The following PGM5 variants were observed in gnomAD, a reference collection of about 807,000 sequenced individuals.
PGM5 encodes phosphoglucomutase 5.
In PGM5, 23 loss-of-function variants were observed where a neutral mutation model predicts 59.2. The observed-to-expected ratio is 0.39, with a 90% CI of 0.28 to 0.55. The LOEUF (loss-of-function observed/expected upper bound fraction) is 0.55. Among genes scored for constraint, PGM5 ranks in the 20% least tolerant of loss-of-function variants. The pLI is 0.66. For synonymous variants in PGM5, 214 were observed against 286.0 expected, an observed-to-expected ratio of 0.75 and a Z score of 2.54; for missense variants, 574 against 748.3, an observed-to-expected ratio of 0.77 and a Z score of 2.72.
chr9:68,474,323 A>C (rs1554686484), intron 7 of PGM5, among the ~76,000 whole-genome samples: 1 of 152,170 alleles, frequency 6.6e-6, no homozygotes, highest in African/African-American at 2.4e-5. Flanking sequence ...TCTGAGTTTC[A>C]GCTGTAATGG....
At chr9:68,512,994 A>G (rs1342476502) in intron 10 of PGM5, among the ~76,000 whole-genome samples, 2 of 152,238 alleles carry the variant, frequency 1.3e-5, no homozygotes, top group Non-Finnish European at 2.9e-5. Context: ...TGGCTGCACC[A>G]AAACCAGGTG....
chr9:68,486,713 A>C (rs181216276), intron 9 of PGM5, among the ~76,000 whole-genome samples: 84 of 152,272 alleles, frequency 5.5e-4, no homozygotes, highest in Middle Eastern at 3.4e-3. Context: ...CCACTTTTTG[A>C]CTATAATGCT....
At chr9:68,374,934 AG>A (rs1360192682) in intron 1 of PGM5, among the ~76,000 whole-genome samples, 1 of 152,200 alleles carries the variant, frequency 6.6e-6, no homozygotes, top group Non-Finnish European at 1.5e-5. Flanking sequence ...TCTATGAGAC[AG>A]GAGATGGGTA....
At chr9:68,491,822 C>T (rs77498941) in intron 9 of PGM5, among the ~76,000 whole-genome samples, 2,642 of 152,154 alleles carry the variant, frequency 0.017, 24 homozygotes, top group African/African-American at 0.035. Context: ...GGCAACACAG[C>T]GAGACCTCAT....
chr9:68,384,447 G>C lies in PGM5; in HGVS notation c.474G>C (p.Thr158=), dbSNP rs782716989. 2 of 1,605,470 alleles carry C rather than the reference G, an allele frequency of 1.2e-6. No homozygotes were observed. Among genetic ancestry groups the C allele is most frequent in the Non-Finnish European group, 1.7e-6 (2 of 1,172,748 alleles). ...ACAAAATCTACCAAATCAGCAAAAC[G>C]ATTGAGGAATATGCTATATGTCCTG... ...VSDKIYQISK[T]IEEYAICPDL... Residue 158 remains threonine, a synonymous_variant, in exon 3 of 11, where the codon ACG becomes ACC. Coordinates refer to ENST00000396396, the MANE Select transcript of PGM5 (RefSeq NM_021965.4).
At position 68,531,007 on chromosome 9, in the gene PGM5, A is replaced by C. The variant is rs1384691773; in HGVS notation, c.*1351A>C. On this transcript the variant is annotated 3_prime_UTR_variant, in exon 11 of 11. Transcript: ENST00000396396. The stretch of plus-strand genomic sequence containing the variant: ...ATTTTCTGTCTGTGCTTCTGTCAGA[A>C]ACTTGCTAGGACATTTAGTGGCCAA... 1 of 68,918 alleles carries C rather than the reference A, an allele frequency of 1.5e-5. No homozygotes were observed. The highest frequency in any genetic ancestry group is 5.0e-5 in the Non-Finnish European group (1 of 20,048). 4.3% of individuals were successfully genotyped at this position (68,918 alleles called of 1,614,324 possible).
rs531207491 is a variant in PGM5, at chr9:68,372,890, G to A, written c.262-5309G>A. Among the ~76,000 whole-genome samples the A allele has an allele frequency of 9.2e-5, 14 of 152,234 alleles. 1 individual carries two copies. Among genetic ancestry groups the A allele is most frequent in the Admixed American group, 9.2e-4 (14 of 15,296 alleles). On this transcript the variant is annotated intron_variant, in intron 1 of 10. Coordinates refer to ENST00000396396, the MANE Select transcript of PGM5 (RefSeq NM_021965.4). Reference sequence around the variant, plus strand: ...AGCAGATCTCATGTAAACTCAGAGCGAGAACACACTTATCGTCAAGGGCAT... The same window carrying A: ...AGCAGATCTCATGTAAACTCAGAGCAAGAACACACTTATCGTCAAGGGCAT...
intron 7 of PGM5, among the ~76,000 whole-genome samples, chr9:68,470,961 T>C (rs1410021332): frequency 6.6e-6 from 1 of 152,236 alleles, no homozygotes; most frequent in South Asian, 2.1e-4. Flanking sequence ...TTCTGGGTCC[T>C]CTGTGAATGA....
chr9:68,523,140 T>C (rs72716004), intron 10 of PGM5, among the ~76,000 whole-genome samples: 9,909 of 152,312 alleles, frequency 0.065, 420 homozygotes, highest in Middle Eastern at 0.11. Flanking sequence ...AGCCTCTCTA[T>C]TGGCTGCCTG....
At chr9:68,371,810 T>A (rs1453711493) in intron 1 of PGM5, 1 of 152,120 alleles carries the variant, frequency 6.6e-6, no homozygotes, top group East Asian at 1.9e-4. Flanking sequence ...CTGAGCTAAT[T>A]GGTAGAGAGA....
At chr9:68,432,196 T>C (rs1277139352) in intron 6 of PGM5, among the ~76,000 whole-genome samples, 3 of 151,864 alleles carry the variant, frequency 2.0e-5, no homozygotes, top group Admixed American at 1.3e-4. Flanking sequence ...TATTTGTTTT[T>C]ATTTTTTAAT....
At chr9:68,420,905 G>A (rs1823117206) in intron 6 of PGM5, among the ~76,000 whole-genome samples, 1 of 152,182 alleles carries the variant, frequency 6.6e-6, no homozygotes, top group Admixed American at 6.5e-5. Context: ...ATGCACAGAT[G>A]GTTTTGAATG....
intron 1 of PGM5, among the ~76,000 whole-genome samples, chr9:68,372,276 C>CT: frequency 8.1e-6 from 1 of 122,736 alleles, no homozygotes; most frequent in East Asian, 2.4e-4. Context: ...GGAGAATCTG[C>CT]TCCCGCCTCT....
intron 6 of PGM5, among the ~76,000 whole-genome samples, chr9:68,422,514 A>C (rs1823150077): frequency 6.6e-6 from 1 of 151,000 alleles, no homozygotes; most frequent in Admixed American, 6.6e-5. Flanking sequence ...ATGGTCTCAA[A>C]CTCCTAGGCT....
At chr9:68,453,800 A>G (rs782428183) in intron 6 of PGM5, among the ~76,000 whole-genome samples, 1 of 152,222 alleles carries the variant, frequency 6.6e-6, no homozygotes, top group Admixed American at 6.5e-5. Context: ...CTTACCTTCA[A>G]GAGACTAACG....
At chr9:68,375,476 G>C (rs145404566) in intron 1 of PGM5, among the ~76,000 whole-genome samples, 1 of 152,096 alleles carries the variant, frequency 6.6e-6, no homozygotes, top group Non-Finnish European at 1.5e-5. Context: ...ATCAACACTC[G>C]ACTCGAAGAG....
chr9:68,501,267 G>A (rs1482842831), intron 10 of PGM5, among the ~76,000 whole-genome samples: 1 of 152,098 alleles, frequency 6.6e-6, no homozygotes, highest in African/African-American at 2.4e-5. Flanking sequence ...CATTAAAATA[G>A]AACTCCTTGT....
intron 6 of PGM5, among the ~76,000 whole-genome samples, chr9:68,447,839 G>A (rs781962159): frequency 3.5e-4 from 54 of 152,226 alleles, no homozygotes; most frequent in South Asian, 6.2e-4. Context: ...CTCCCTGCCC[G>A]GCCACTTACC....
intron 7 of PGM5, among the ~76,000 whole-genome samples, chr9:68,478,531 C>T (rs1397338815): frequency 6.6e-6 from 1 of 152,170 alleles, no homozygotes; most frequent in African/African-American, 2.4e-5. Context: ...AATGTATTCT[C>T]TTATAGTTCT....
Sources: allele counts gnomAD v4.1 joint callset (sites outside exome capture counted in the v4.1 genomes callset), GRCh38; gene constraint gnomAD v4.1.1; transcripts MANE v1.5; gene names NCBI Gene and HGNC (gene_info 2026-07-23, HGNC 2026-07-21).